The following TRAFD1 variants were observed in gnomAD, a reference collection of about 807,000 sequenced individuals.
TRAFD1 encodes the protein TRAF-type zinc finger domain containing 1, also known as TRAF-type zinc finger domain-containing protein 1.
TRAFD1 carries 38 observed loss-of-function variants against 65.3 expected under a neutral mutation model. The ratio of observed to expected loss-of-function variants is 0.58; its 90% CI spans 0.45 to 0.76. The LOEUF is 0.76. TRAFD1 is among the 30% of genes least tolerant of loss of function. The probability of loss-of-function intolerance (pLI) is 0.00; values close to 1 mark genes in which losing one functional copy is unlikely to be tolerated. For missense variants in TRAFD1, 631 were observed against 712.6 expected (o/e 0.89, Z 1.30); for synonymous variants, 223 against 257.2 (o/e 0.87, Z 1.27).
chr12:112,149,734 T>C lies in TRAFD1; in HGVS notation c.1159-17T>C. The C allele has an allele frequency of 1.2e-6, 2 of 1,613,896 alleles. No homozygotes were observed. Among genetic ancestry groups the C allele is most frequent in the Non-Finnish European group, 1.7e-6 (2 of 1,179,826 alleles). On this transcript the variant is annotated splice_polypyrimidine_tract_variant and intron_variant, in intron 8 of 11. Transcript: ENST00000412615. The stretch of plus-strand genomic sequence containing the variant: ...TGACTCAATTCAGAGGTACTAATTC[T>C]GGTTTTTCTTGTTTAGGACCAGTGT...
At chr12:112,131,753 T>C (rs2079567263) in intron 2 of TRAFD1, among the ~76,000 whole-genome samples, 1 of 152,210 alleles carries the variant, frequency 6.6e-6, no homozygotes, top group African/African-American at 2.4e-5. Flanking sequence ...TTTGGTCTGG[T>C]TGGAATGTTT....
In TRAFD1 at chr12:112,145,634, A is replaced by G; in HGVS notation, c.899A>G (p.Tyr300Cys). 1 of 1,614,142 alleles carries G rather than the reference A, an allele frequency of 6.2e-7. No homozygotes were observed. The highest frequency in any genetic ancestry group is 8.5e-7 in the Non-Finnish European group (1 of 1,180,014). Residue 300 changes from tyrosine (Y) to cysteine (C), a missense_variant, in exon 7 of 12, where the codon TAC becomes TGC. Physicochemically the swap from Tyr to Cys is radical, Grantham distance 194 (BLOSUM62 -2). Transcript: ENST00000412615. ...MLPCEFCEEL[Y>C]PEELLIDHQT... ...CCTTGTGAATTTTGTGAGGAGCTCT[A>G]CCCAGAGGAACTGCTGATTGACCAT...
At chr12:112,144,014 C>A (rs2030165906) in intron 6 of TRAFD1, among the ~76,000 whole-genome samples, 1 of 152,162 alleles carries the variant, frequency 6.6e-6, no homozygotes, top group South Asian at 2.1e-4. Flanking sequence ...CAGGCATTAG[C>A]CACTGCGCCC....
chr12:112,149,649 G>A, intron 8 of TRAFD1, 102 bp from the exon 9 acceptor site: 1 of 1,497,498 alleles, frequency 6.7e-7, no homozygotes, highest in Non-Finnish European at 9.1e-7. Flanking sequence ...GGTTGTCAAA[G>A]TCCCCCTCCA....
At chr12:112,146,225 CA>C (rs766339761) in intron 7 of TRAFD1, among the ~76,000 whole-genome samples, 2,534 of 66,778 alleles carry the variant, frequency 0.038, 74 homozygotes, top group African/African-American at 0.12. Flanking sequence ...GAAATAACAG[CA>C]AAAAAAAAAA....
rs1196203863 is a variant in TRAFD1, at chr12:112,140,937, G to A, written c.356G>A (p.Cys119Tyr). The part of the protein sequence containing the change: ...CGARTELCGN[C>Y]GRNVLVKDLK... ...GCCCGGACGGAACTATGTGGCAACTGTGGTCGCAATGTCCTTGTGAAAGAT... is the reference window on the plus strand; with the variant it reads ...GCCCGGACGGAACTATGTGGCAACTATGGTCGCAATGTCCTTGTGAAAGAT... The change falls in exon 5 of 12, where the codon TGT (cysteine) becomes TAT (tyrosine). Residue 119 changes from cysteine to tyrosine, a missense_variant. Transcript: ENST00000412615. 6.2e-7 allele frequency: 1 copy of A among 1,614,210 alleles called. No individual in the cohort carries two copies. Among genetic ancestry groups the A allele is most frequent in the Non-Finnish European group, 8.5e-7 (1 of 1,180,048 alleles).
intron 6 of TRAFD1, among the ~76,000 whole-genome samples, chr12:112,144,633 C>T (rs997460345): frequency 2.6e-5 from 4 of 152,154 alleles, no homozygotes; most frequent in African/African-American, 7.2e-5. Flanking sequence ...GTAATCCCAA[C>T]ACTTTGGGAG....
At chr12:112,151,415 C>T (rs2030402004) in intron 9 of TRAFD1, among the ~76,000 whole-genome samples, 1 of 149,662 alleles carries the variant, frequency 6.7e-6, no homozygotes, top group Non-Finnish European at 1.5e-5. Context: ...TTTTGAGACA[C>T]AGTCTTGCTC....
intron 7 of TRAFD1, 105 bp downstream of exon 7, chr12:112,145,767 CAT>C: frequency 2.1e-6 from 2 of 966,194 alleles, no homozygotes; most frequent in South Asian, 3.0e-5. Context: ...ATACAATGCC[CAT>C]AGTAGGAATA....
At chr12:112,132,698 T>G (rs1334927621) in intron 2 of TRAFD1, among the ~76,000 whole-genome samples, 1 of 152,222 alleles carries the variant, frequency 6.6e-6, no homozygotes, top group African/African-American at 2.4e-5. Flanking sequence ...TTGCACTTCC[T>G]TGGTGTCTTG....
intron 1 of TRAFD1, among the ~76,000 whole-genome samples, chr12:112,127,063 T>G (rs943117333): frequency 3.9e-5 from 6 of 152,244 alleles, no homozygotes; most frequent in Admixed American, 2.6e-4. Context: ...TGACAAGACC[T>G]TCTTGAGTCA....
In TRAFD1 at chr12:112,151,884, A is replaced by G. The variant is rs774459372; in HGVS notation, c.1363A>G (p.Ile455Val). The stretch of plus-strand genomic sequence containing the variant: ...CTCCTGTCTGCCTCCCAGCCGACCC[A>G]TTAACAATATGACAGCTACCTATAA... The part of the protein sequence containing the change: ...PTSCLPPSRP[I>V]NNMTATYNQL... Residue 455 changes from isoleucine (I) to valine (V), a missense_variant, in exon 10 of 12, where the codon ATT (isoleucine) becomes GTT (valine). Physicochemically the swap from Ile to Val is conservative, Grantham distance 29 (BLOSUM62 3). Transcript: ENST00000412615. 5 of 1,614,190 alleles carry G rather than the reference A, an allele frequency of 3.1e-6. No homozygotes were observed. In the East Asian group the frequency reaches 6.7e-5, roughly 22 times the overall value.
chr12:112,147,371 G>C (rs940042335), intron 7 of TRAFD1, among the ~76,000 whole-genome samples: 1 of 152,092 alleles, frequency 6.6e-6, no homozygotes, highest in African/African-American at 2.4e-5. Context: ...CTACCAAATA[G>C]TGCCTGTGCT....
chr12:112,143,731 T>G (rs2030154721), intron 6 of TRAFD1, among the ~76,000 whole-genome samples: 3 of 132,102 alleles, frequency 2.3e-5, no homozygotes, highest in South Asian at 2.7e-4. Flanking sequence ...CCGCTTTGGT[T>G]TTTTTTTTTT....
intron 1 of TRAFD1, among the ~76,000 whole-genome samples, chr12:112,129,895 G>A (rs2079558873): frequency 6.6e-6 from 1 of 151,942 alleles, no homozygotes; most frequent in Non-Finnish European, 1.5e-5. Context: ...GCCTGCCTCG[G>A]CCTCCCTAAG....
chr12:112,141,227 G>A lies in TRAFD1; in HGVS notation c.643+3G>A. 1 of 1,613,182 alleles carries A rather than the reference G, an allele frequency of 6.2e-7. No individual in the cohort carries two copies. The highest frequency in any genetic ancestry group is 8.5e-7 in the Non-Finnish European group (1 of 1,179,448). On this transcript the variant is annotated splice_donor_region_variant and intron_variant, in intron 5 of 11. Coordinates refer to ENST00000412615, the MANE Select transcript of TRAFD1 (RefSeq NM_006700.3). The stretch of plus-strand genomic sequence containing the variant: ...GGTTTCAATTCAGAATAATCTGTGT[G>A]AGTTGTGCTTGGGATTAGGGAACTA...
intron 6 of TRAFD1, among the ~76,000 whole-genome samples, chr12:112,143,180 C>T (rs536865225): frequency 1.1e-4 from 17 of 151,984 alleles, no homozygotes; most frequent in African/African-American, 3.4e-4. Flanking sequence ...CCCGGGTTCA[C>T]GCCATTCACC....
chr12:112,152,530 T>G lies in TRAFD1; in HGVS notation c.1692+31T>G, dbSNP rs1191897612. 6.2e-7 allele frequency: 1 copy of G among 1,612,980 alleles called. No individual in the cohort carries two copies. The highest frequency in any genetic ancestry group is 1.3e-5 in the African/African-American group (1 of 74,866). On this transcript the variant is annotated intron_variant, in intron 11 of 11. Coordinates refer to ENST00000412615, the MANE Select transcript of TRAFD1 (RefSeq NM_006700.3). This position sits in a 1 kb window ranked among gnomAD's most constrained non-coding sequence, Gnocchi z 5.0. ...GTGGGCTCCAGCCCATGATGCTCAG[T>G]GGGGGACTCAGACATGGTGGGGCTT... is the stretch of plus-strand genomic sequence containing the variant.
chr12:112,148,310 GGTCCCTGGA>G lies in TRAFD1; in HGVS notation c.1158+14_1158+22del. ...AGGTGCTGTTCCATCACCAGGTAAG[GGTCCCTGGA>G]GTCCCTGTCCATGTGGCTCTGTGCG... On this transcript the variant is annotated splice_region_variant and intron_variant, in intron 8 of 11. Transcript: ENST00000412615. 1 of 1,612,676 alleles carries G rather than the reference GGTCCCTGGA, an allele frequency of 6.2e-7. No individual in the cohort carries two copies. The highest frequency in any genetic ancestry group is 8.5e-7 in the Non-Finnish European group (1 of 1,178,760).
Sources: allele counts gnomAD v4.1 joint callset (sites outside exome capture counted in the v4.1 genomes callset), GRCh38; gene constraint gnomAD v4.1.1; non-coding constraint Gnocchi (gnomAD v3.1); transcripts MANE v1.5; gene names NCBI Gene and HGNC (gene_info 2026-07-23, HGNC 2026-07-21).